Variants in SH2D3C observed in about 807,000 individuals in gnomAD.
The protein encoded by SH2D3C is SH2 domain containing 3C.
SH2D3C carries 25 observed loss-of-function variants against 75.2 expected under a neutral mutation model. That is an observed-to-expected ratio of 0.33 (90% CI 0.24 to 0.46). The LOEUF (loss-of-function observed/expected upper bound fraction) is 0.46, where lower values mean the gene tolerates loss of function less well. Ranked by LOEUF, SH2D3C falls within the 20% of genes least tolerant of loss-of-function variation. SH2D3C has a pLI of 1.00. For synonymous variants in SH2D3C, 450 were observed against 473.7 expected (o/e 0.95, Z 0.65); for missense variants, 933 against 1,165.3 (o/e 0.80, Z 2.90).
intron 1 of SH2D3C, among the ~76,000 whole-genome samples, chr9:127,778,381 G>T (rs184592383): frequency 6.6e-6 from 1 of 152,046 alleles, no homozygotes; most frequent in Non-Finnish European, 1.5e-5. Flanking sequence ...ACTTGAGCCT[G>T]GGAAGTCAAG....
chr9:127,771,172 G>A (rs1845730291), intron 2 of SH2D3C: 1 of 1,538,466 alleles, frequency 6.5e-7, no homozygotes, highest in Admixed American at 2.0e-5. Flanking sequence ...CCCAGGCCCA[G>A]CTCGGTCACT....
At chr9:127,762,190 C>T (rs971611780) in intron 2 of SH2D3C, 18 of 1,184,832 alleles carry the variant, frequency 1.5e-5, no homozygotes, top group African/African-American at 1.6e-5. Context: ...GAGCCACTGC[C>T]GGTGCTAGAG....
intron 2 of SH2D3C, among the ~76,000 whole-genome samples, chr9:127,769,289 A>G (rs1391092609): frequency 6.6e-6 from 1 of 152,176 alleles, no homozygotes; most frequent in Admixed American, 6.5e-5. Context: ...AAATCTCAAC[A>G]TCTTCATCTG....
At chr9:127,742,806 C>A in intron 8 of SH2D3C, 43 bp downstream of exon 8, 2 of 1,494,140 alleles carry the variant, frequency 1.3e-6, no homozygotes, top group Admixed American at 1.8e-5. Flanking sequence ...AGTGCGGTAG[C>A]CGGGGGTTCC....
At position 127,774,860 on chromosome 9, in the gene SH2D3C, C is replaced by T. The variant is rs1045406962; in HGVS notation, c.38-393G>A. On this transcript the variant is annotated intron_variant, in intron 1 of 11. Coordinates refer to ENST00000314830, the MANE Select transcript of SH2D3C (RefSeq NM_170600.3). This position sits in a 1 kb window ranked among gnomAD's most constrained non-coding sequence, Gnocchi z 4.3. ...ATCCCAGCACTTTGGGAGGCCGAGG[C>T]GGGTGGATCACCTGAGGTCAGGAGT... Among the ~76,000 whole-genome samples the T allele has an allele frequency of 8.5e-5, 13 of 152,118 alleles. No individual in the cohort carries two copies. Among genetic ancestry groups the T allele is most frequent in the South Asian group, 6.2e-4 (3 of 4,822 alleles).
At chr9:127,778,290 CAAAA>C (rs112260508) in intron 1 of SH2D3C, among the ~76,000 whole-genome samples, 3 of 92,102 alleles carry the variant, frequency 3.3e-5, no homozygotes, top group Non-Finnish European at 2.5e-5. Flanking sequence ...TGCACCTGGC[CAAAA>C]AAAAAAAAAA....
At chr9:127,769,195 T>C (rs990375876) in intron 2 of SH2D3C, among the ~76,000 whole-genome samples, 1 of 152,216 alleles carries the variant, frequency 6.6e-6, no homozygotes, top group African/African-American at 2.4e-5. Context: ...GTCTGAGGCA[T>C]AGCTGTACCT....
At chr9:127,747,698 G>A (rs866326145) in intron 5 of SH2D3C, among the ~76,000 whole-genome samples, 8 of 151,950 alleles carry the variant, frequency 5.3e-5, no homozygotes, top group African/African-American at 7.2e-5. Context: ...GTTACCAAGC[G>A]TGGCTAATTT....
intron 2 of SH2D3C, among the ~76,000 whole-genome samples, chr9:127,765,979 C>T (rs1306198547): frequency 6.6e-6 from 1 of 152,184 alleles, no homozygotes; most frequent in South Asian, 2.1e-4. Flanking sequence ...ATAACTGATA[C>T]CACTTATTGC....
intron 2 of SH2D3C, among the ~76,000 whole-genome samples, chr9:127,763,066 G>A (rs2131795550): frequency 6.6e-6 from 1 of 152,246 alleles, no homozygotes; most frequent in Non-Finnish European, 1.5e-5. Flanking sequence ...ACCCTCCTTG[G>A]CAACTTGTTC....
intron 3 of SH2D3C, among the ~76,000 whole-genome samples, chr9:127,757,499 C>T (rs1441782728): frequency 2.6e-5 from 4 of 151,220 alleles, no homozygotes; most frequent in Non-Finnish European, 2.9e-5. Flanking sequence ...GGCTCAATAT[C>T]GGCTCACTGC....
In SH2D3C at chr9:127,754,707, A is replaced by C; in HGVS notation, c.556-3407T>G. 2.7e-6 allele frequency: 1 copy of C among 372,656 alleles called. No homozygotes were observed. Among genetic ancestry groups the C allele is most frequent in the Non-Finnish European group, 5.9e-6 (1 of 170,638 alleles). 23.1% of individuals were successfully genotyped at this position (372,656 alleles called of 1,614,324 possible). A position where few individuals can be genotyped will look rare whatever the true frequency, so the allele number is the denominator to read the frequency against. On this transcript the variant is annotated intron_variant, in intron 3 of 11. Transcript: ENST00000314830. This position sits in a 1 kb window ranked among gnomAD's most constrained non-coding sequence, Gnocchi z 4.4. ...GTCCGGCGCCCCCGGTACAATGGGG[A>C]GCCAGGGTGCCCAGGTCAGCCGCAA...
chr9:127,761,576 T>G (rs1395604609), intron 3 of SH2D3C, 35 bp downstream of exon 3: 4 of 1,543,644 alleles, frequency 2.6e-6, no homozygotes, highest in Non-Finnish European at 3.6e-6. Flanking sequence ...AGACCTTCAG[T>G]GTCCTCTGAC....
Position 127,774,583 on chromosome 9 carries a change from CA to C in SH2D3C, c.38-117del, listed in dbSNP as rs1845783389. Reference sequence around the variant, plus strand: ...GGGCTGAAGAGGGCTGGCGGTTTCCCAGACACCCCTTCTAAAATTGTTAACA... The same window carrying C: ...GGGCTGAAGAGGGCTGGCGGTTTCCCGACACCCCTTCTAAAATTGTTAACA... On this transcript the variant is annotated intron_variant, in intron 1 of 11. Coordinates refer to ENST00000314830, the MANE Select transcript of SH2D3C (RefSeq NM_170600.3). This position sits in a 1 kb window ranked among gnomAD's most constrained non-coding sequence, Gnocchi z 4.3. The C allele has an allele frequency of 1.6e-6, 1 of 639,892 alleles. No individual in the cohort carries two copies. The highest frequency in any genetic ancestry group is 2.8e-6 in the Non-Finnish European group (1 of 360,048). The allele number at this position is 639,892 out of a possible 1,614,324, so 39.6% of individuals were successfully genotyped here.
intron 2 of SH2D3C, among the ~76,000 whole-genome samples, chr9:127,762,713 C>A (rs1447396012): frequency 3.3e-5 from 5 of 152,190 alleles, no homozygotes; most frequent in Admixed American, 2.6e-4. Context: ...CCACTGCCAC[C>A]CACAGTCAGC....
Position 127,739,953 on chromosome 9 carries a change from G to A in SH2D3C, c.2201-65C>T. On this transcript the variant is annotated intron_variant, in intron 10 of 11. Transcript: ENST00000314830. The surrounding 1 kb of genome is among the most constrained non-coding windows in gnomAD (Gnocchi z 4.3). ...GTGCCCCACCATCCACTGCAGTCCT[G>A]GAAGCTGAGGTGCAGGAGGGAACGG... 2.1e-6 allele frequency: 3 copies of A among 1,405,444 alleles called. No homozygotes were observed. The highest frequency in any genetic ancestry group is 1.4e-5 in the South Asian group (1 of 69,416). 87.1% of individuals were successfully genotyped at this position (1,405,444 alleles called of 1,614,324 possible).
intron 6 of SH2D3C, among the ~76,000 whole-genome samples, chr9:127,745,660 C>T (rs768822000): frequency 6.6e-6 from 1 of 151,536 alleles, no homozygotes; most frequent in Admixed American, 6.6e-5. Context: ...GTCAGAGTCT[C>T]GCTCTGTTGC....
chr9:127,771,061 G>A (rs757260012), intron 2 of SH2D3C: 126 of 664,940 alleles, frequency 1.9e-4, no homozygotes, highest in Non-Finnish European at 2.7e-4. Context: ...AAGAAAACTG[G>A]CTTAGAAAAG....
chr9:127,763,276 T>C (rs60378088), intron 2 of SH2D3C, among the ~76,000 whole-genome samples: 4,146 of 152,326 alleles, frequency 0.027, 261 homozygotes, highest in East Asian at 0.27. Context: ...TTATTTTCAA[T>C]TTTTGCAATT....
Sources: allele counts gnomAD v4.1 joint callset (sites outside exome capture counted in the v4.1 genomes callset), GRCh38; gene constraint gnomAD v4.1.1; non-coding constraint Gnocchi (gnomAD v3.1); transcripts MANE v1.5; gene names NCBI Gene and HGNC (gene_info 2026-07-23, HGNC 2026-07-21).